Variants in NLGN1 observed in about 807,000 individuals in gnomAD.
The protein encoded by NLGN1 is neuroligin-1.
Under a neutral mutation model 65.5 loss-of-function variants are expected in NLGN1, and 12 were observed. The observed-to-expected ratio is 0.18, with a 90% CI of 0.12 to 0.30. The LOEUF (loss-of-function observed/expected upper bound fraction) is 0.30, where lower values mean the gene tolerates loss of function less well. Ranked by LOEUF, NLGN1 falls within the 10% of genes least tolerant of loss-of-function variation. The pLI, the probability that NLGN1 is intolerant of heterozygous loss-of-function variation, is 1.00. For synonymous variants in NLGN1, 350 were observed against 359.5 expected, an observed-to-expected ratio of 0.97 and a Z score of 0.30; for missense variants, 750 against 1,007.1, an observed-to-expected ratio of 0.74 and a Z score of 3.46.
At chr3:173,654,942 G>A (rs559648002) in intron 3 of NLGN1, among the ~76,000 whole-genome samples, 2 of 152,106 alleles carry the variant, frequency 1.3e-5, no homozygotes, top group South Asian at 4.1e-4. Context: ...ATACAGTGTG[G>A]TCACAGATAC....
At chr3:173,420,947 T>G (rs1714924992) in intron 1 of NLGN1, among the ~76,000 whole-genome samples, 1 of 152,200 alleles carries the variant, frequency 6.6e-6, no homozygotes, top group African/African-American at 2.4e-5. Flanking sequence ...TATTGTATAT[T>G]TCTAATACTT....
At chr3:173,434,370 C>T (rs1001585968) in intron 1 of NLGN1, among the ~76,000 whole-genome samples, 1 of 152,076 alleles carries the variant, frequency 6.6e-6, no homozygotes, top group African/African-American at 2.4e-5. Context: ...GGTAATGGGG[C>T]TAGGAAATTG....
rs776159528 is a variant in NLGN1 at position 173,817,332 on chromosome 3, A to G, written c.646+9500A>G. Among the ~76,000 whole-genome samples, 271 of 152,360 alleles carry G rather than the reference A, an allele frequency of 1.8e-3. 2 individuals are homozygous for G. Among genetic ancestry groups the G allele is most frequent in the Non-Finnish European group, 1.9e-3 (130 of 68,040 alleles). ...ATAAGACACTGAGCAGGTAAGTGAC[A>G]TGATTAGATCTGCATTTAAAAAATG... On this transcript the variant is annotated intron_variant, in intron 4 of 6. Transcript: ENST00000457714.
At chr3:173,700,915 G>A (rs1003215274) in intron 3 of NLGN1, among the ~76,000 whole-genome samples, 2 of 152,154 alleles carry the variant, frequency 1.3e-5, no homozygotes, top group Non-Finnish European at 2.9e-5. Flanking sequence ...CACAAGGTCA[G>A]GAGATCGAGA....
intron 4 of NLGN1, among the ~76,000 whole-genome samples, chr3:174,223,150 G>A (rs913820222): frequency 9.9e-5 from 15 of 152,174 alleles, no homozygotes; most frequent in African/African-American, 3.4e-4. Context: ...GATCAGAGGA[G>A]AGCTGACAAC....
At chr3:173,906,986 G>A (rs1738551229) in intron 4 of NLGN1, among the ~76,000 whole-genome samples, 1 of 151,790 alleles carries the variant, frequency 6.6e-6, no homozygotes, top group Non-Finnish European at 1.5e-5. Flanking sequence ...CAAAATAAAT[G>A]GTAAAGTATC....
chr3:174,235,034 A>C, intron 4 of NLGN1, among the ~76,000 whole-genome samples: 1 of 91,356 alleles, frequency 1.1e-5, no homozygotes, highest in African/African-American at 4.4e-5. Context: ...GAGTACCACC[A>C]TTCTAGTGAC....
At chr3:173,897,907 G>T (rs937173269) in intron 4 of NLGN1, among the ~76,000 whole-genome samples, 4 of 152,032 alleles carry the variant, frequency 2.6e-5, no homozygotes, top group Non-Finnish European at 4.4e-5. Context: ...CAAACAATCA[G>T]ATTTGCATTT....
chr3:173,798,402 CTA>C (rs1560393150), intron 3 of NLGN1, among the ~76,000 whole-genome samples: 1 of 151,706 alleles, frequency 6.6e-6, no homozygotes, highest in African/African-American at 2.4e-5. Flanking sequence ...TTTTTGAAGT[CTA>C]ATATTTTGAG....
At chr3:173,523,321 C>T (rs552705469) in intron 2 of NLGN1, among the ~76,000 whole-genome samples, 2 of 151,690 alleles carry the variant, frequency 1.3e-5, no homozygotes, top group South Asian at 4.2e-4. Context: ...TCATCATACT[C>T]TTTTTGCATA....
At chr3:173,589,310 G>A (rs1173163034) in intron 2 of NLGN1, among the ~76,000 whole-genome samples, 1 of 152,024 alleles carries the variant, frequency 6.6e-6, no homozygotes, top group East Asian at 1.9e-4. Context: ...TTCTTTTTCT[G>A]TAGCCTACTT....
chr3:173,663,448 A>G (rs917794518), intron 3 of NLGN1, among the ~76,000 whole-genome samples: 2 of 152,050 alleles, frequency 1.3e-5, no homozygotes, highest in Non-Finnish European at 2.9e-5. Context: ...AAAACAGGAC[A>G]AAAACAACTT....
At chr3:173,778,477 G>A (rs1780646633) in intron 3 of NLGN1, among the ~76,000 whole-genome samples, 1 of 151,700 alleles carries the variant, frequency 6.6e-6, no homozygotes, top group African/African-American at 2.4e-5. Flanking sequence ...TAAGGGTAGA[G>A]GAAAACCAAT....
chr3:174,162,127 C>G (rs1307513418), intron 4 of NLGN1, among the ~76,000 whole-genome samples: 1 of 151,810 alleles, frequency 6.6e-6, no homozygotes, highest in Non-Finnish European at 1.5e-5. Flanking sequence ...AACAACCTGA[C>G]CCCCCAGAAT....
At chr3:173,552,310 T>C (rs1023621614) in intron 2 of NLGN1, among the ~76,000 whole-genome samples, 2 of 152,208 alleles carry the variant, frequency 1.3e-5, no homozygotes, top group Non-Finnish European at 1.5e-5. Context: ...GGACAAGTTT[T>C]GAGCAATTAT....
intron 4 of NLGN1, among the ~76,000 whole-genome samples, chr3:173,942,721 T>G (rs1296577373): frequency 6.6e-6 from 1 of 152,182 alleles, no homozygotes; most frequent in African/African-American, 2.4e-5. Flanking sequence ...TTTTTCATAG[T>G]TAATGACAGC....
chr3:173,649,846 G>A (rs1027050951), intron 3 of NLGN1, among the ~76,000 whole-genome samples: 1 of 151,970 alleles, frequency 6.6e-6, no homozygotes, highest in African/African-American at 2.4e-5. Context: ...TAAGAAAACT[G>A]TGTTCAAATT....
intron 2 of NLGN1, among the ~76,000 whole-genome samples, chr3:173,448,218 T>G (rs1720756230): frequency 1.3e-5 from 2 of 152,184 alleles, no homozygotes. Flanking sequence ...TAGCTCTTAT[T>G]ATTTTGAGAT....
At chr3:173,777,619 GTCTGTCTGTCTGTCTATCTA>G (rs201258227) in intron 3 of NLGN1, among the ~76,000 whole-genome samples, 11,054 of 143,592 alleles carry the variant, frequency 0.077, 445 homozygotes, top group African/African-American at 0.1. Context: ...CTGTCTGTCT[GTCTGTCTGTCTGTCTATCTA>G]TCTATCTATC....
Sources: allele counts gnomAD v4.1 joint callset (sites outside exome capture counted in the v4.1 genomes callset), GRCh38; gene constraint gnomAD v4.1.1; transcripts MANE v1.5; gene names NCBI Gene and HGNC (gene_info 2026-07-23, HGNC 2026-07-21).